Variants in TMEM248 observed in about 807,000 individuals in gnomAD.
TMEM248 encodes the protein transmembrane protein 248, also known as UPF0458 protein C7orf42.
TMEM248 carries 9 observed loss-of-function variants against 30.3 expected under a neutral mutation model. The ratio of observed to expected loss-of-function variants is 0.30; its 90% CI spans 0.18 to 0.52. The LOEUF is 0.52. Among genes scored for constraint, TMEM248 ranks in the 20% least tolerant of loss-of-function variants. TMEM248 has a pLI of 0.97. For synonymous variants in TMEM248, 184 were observed against 154.4 expected, an observed-to-expected ratio of 1.19 and a Z score of -1.42; for missense variants, 338 against 403.3, an observed-to-expected ratio of 0.84 and a Z score of 1.39.
chr7:66,923,946 G>A (rs961830158), intron 1 of TMEM248, among the ~76,000 whole-genome samples: 5 of 152,142 alleles, frequency 3.3e-5, no homozygotes, highest in Non-Finnish European at 5.9e-5. Flanking sequence ...GATTACAGGC[G>A]TGAGCCACCA....
intron 1 of TMEM248, among the ~76,000 whole-genome samples, chr7:66,927,747 A>G (rs1791562003): frequency 6.6e-6 from 1 of 151,672 alleles, no homozygotes; most frequent in Non-Finnish European, 1.5e-5. Context: ...ATGAAACACC[A>G]TGCCCAGTCT....
chr7:66,953,608 G>C (rs1792325192), intron 6 of TMEM248, among the ~76,000 whole-genome samples: 1 of 152,012 alleles, frequency 6.6e-6, no homozygotes, highest in South Asian at 2.1e-4. Context: ...CACATCCTCT[G>C]TAACTTTTTT....
intron 1 of TMEM248, among the ~76,000 whole-genome samples, chr7:66,921,670 C>T (rs1468755969): frequency 6.6e-6 from 1 of 152,210 alleles, no homozygotes; most frequent in Non-Finnish European, 1.5e-5. Flanking sequence ...TTTGCCCACT[C>T]GCGTCCCCCG....
At chr7:66,926,083 G>T (rs749450478) in intron 1 of TMEM248, among the ~76,000 whole-genome samples, 1 of 152,204 alleles carries the variant, frequency 6.6e-6, no homozygotes, top group South Asian at 2.1e-4. Context: ...CCTGACAGGC[G>T]CGAGATGATA....
intron 1 of TMEM248, chr7:66,922,330 C>T (rs532424155): frequency 1.3e-5 from 2 of 152,264 alleles, no homozygotes; most frequent in Admixed American, 6.5e-5. Flanking sequence ...TCGATAGCAC[C>T]ATCAGCTTGG....
At chr7:66,948,470 G>T in intron 3 of TMEM248, 74 bp from the exon 4 acceptor site, 1 of 1,529,970 alleles carries the variant, frequency 6.5e-7, no homozygotes, top group South Asian at 1.2e-5. Context: ...TTTGATTTCA[G>T]GATTTATTTG....
chr7:66,930,605 C>T (rs1310226126), intron 1 of TMEM248: 2 of 152,318 alleles, frequency 1.3e-5, no homozygotes, highest in African/African-American at 2.4e-5. Context: ...ACTTGTCTCT[C>T]TGAAGGTTCA....
chr7:66,925,916 C>T (rs1179592909), intron 1 of TMEM248, among the ~76,000 whole-genome samples: 3 of 152,056 alleles, frequency 2.0e-5, no homozygotes, highest in Non-Finnish European at 4.4e-5. Flanking sequence ...GCTGGGATTA[C>T]AGACGTGAGC....
At chr7:66,951,860 C>G (rs571780219) in intron 5 of TMEM248, among the ~76,000 whole-genome samples, 47 of 152,094 alleles carry the variant, frequency 3.1e-4, no homozygotes, top group African/African-American at 1.0e-3. Context: ...GGGGGTCTTG[C>G]TGTGTTGCCC....
chr7:66,943,907 G>T (rs1309345506), intron 2 of TMEM248, among the ~76,000 whole-genome samples: 2 of 151,618 alleles, frequency 1.3e-5, no homozygotes, highest in African/African-American at 4.9e-5. Context: ...CGATTTTCGT[G>T]CCTCAGCCTT....
rs1168714286 is a variant in TMEM248, at chr7:66,953,276, C to G, written c.831C>G (p.Leu277=). 1 of 1,614,018 alleles carries G rather than the reference C, an allele frequency of 6.2e-7. No individual in the cohort carries two copies. ...ATCTCATGCACACCAGTTACTTCCT[C>G]TTTGTGATGGTGATAACAATGTTTT... The part of the protein sequence containing the change: ...NLHLMHTSYF[L]FVMVITMFCY... The change falls in exon 6 of 7, where the codon CTC becomes CTG. Residue 277 remains leucine, a synonymous_variant. Transcript: ENST00000341567.
intron 6 of TMEM248, among the ~76,000 whole-genome samples, chr7:66,954,273 G>A (rs1792348129): frequency 6.6e-6 from 1 of 151,676 alleles, no homozygotes; most frequent in Non-Finnish European, 1.5e-5. Context: ...CTAATACAAT[G>A]TAAATACTAT....
chr7:66,929,589 G>A (rs968184571), intron 1 of TMEM248, among the ~76,000 whole-genome samples: 3 of 151,688 alleles, frequency 2.0e-5, no homozygotes, highest in Non-Finnish European at 4.4e-5. Context: ...GGCGTGCACC[G>A]CCATGCCCAG....
chr7:66,945,385 T>C, intron 3 of TMEM248, 124 bp downstream of exon 3: 2 of 1,095,074 alleles, frequency 1.8e-6, no homozygotes, highest in Non-Finnish European at 2.6e-6. Context: ...GTCTTTTTTT[T>C]GTTGAGTTTG....
intron 1 of TMEM248, among the ~76,000 whole-genome samples, chr7:66,937,150 C>G (rs558934352): frequency 3.0e-4 from 45 of 152,000 alleles, no homozygotes; most frequent in Non-Finnish European, 5.9e-4. Context: ...TTTTTAATTT[C>G]CTTCTTAATT....
intron 2 of TMEM248, 22 bp downstream of exon 2, chr7:66,942,046 C>T: frequency 6.2e-7 from 1 of 1,606,936 alleles, no homozygotes; most frequent in South Asian, 1.1e-5. Flanking sequence ...TCTGACTTCT[C>T]CCGGGCTGGC....
In TMEM248 at chr7:66,955,777, C is replaced by A; in HGVS notation, c.*255C>A. Reference sequence around the variant, plus strand: ...ACCCCACCTTGGACTTGAGGACCTACCTGATGGGACGTTTCCACGTGTCTC... The same window carrying A: ...ACCCCACCTTGGACTTGAGGACCTAACTGATGGGACGTTTCCACGTGTCTC... On this transcript the variant is annotated 3_prime_UTR_variant, in exon 7 of 7. Transcript: ENST00000341567. 1 of 471,228 alleles carries A rather than the reference C, an allele frequency of 2.1e-6. No homozygotes were observed. Among genetic ancestry groups the A allele is most frequent in the Non-Finnish European group, 3.7e-6 (1 of 269,690 alleles). 29.2% of individuals were successfully genotyped at this position (471,228 alleles called of 1,614,324 possible). A position where few individuals can be genotyped will look rare whatever the true frequency, so the allele number is the denominator to read the frequency against.
intron 1 of TMEM248, among the ~76,000 whole-genome samples, chr7:66,922,981 T>C (rs1014368018): frequency 7.2e-5 from 11 of 152,168 alleles, no homozygotes; most frequent in Admixed American, 6.5e-4. Context: ...TCTGGAATTA[T>C]AGGCGTGAAC....
intron 1 of TMEM248, among the ~76,000 whole-genome samples, chr7:66,927,842 T>C (rs1432880719): frequency 6.6e-6 from 1 of 152,180 alleles, no homozygotes; most frequent in East Asian, 1.9e-4. Flanking sequence ...AAGACACTAT[T>C]GGCAGAAGAC....
Sources: gnomAD v4.1 joint callset for allele counts (sites outside exome capture counted in the v4.1 genomes callset) on GRCh38, gnomAD v4.1.1 for gene constraint, MANE v1.5 for transcripts, NCBI Gene and HGNC (gene_info 2026-07-23, HGNC 2026-07-21) for gene names.